PSD3: variants seen among roughly 807,000 people sequenced by gnomAD.
The protein encoded by PSD3 is PH and SEC7 domain-containing protein 3.
In PSD3, 49 loss-of-function variants were observed where a neutral mutation model predicts 105.5. The observed-to-expected ratio is 0.46, with a 90% confidence interval of 0.37 to 0.59. The LOEUF is 0.59. Ranked by LOEUF, PSD3 falls within the 20% of genes least tolerant of loss-of-function variation. PSD3 has a pLI of 0.00. For synonymous variants in PSD3, 557 were observed against 457.8 expected (o/e 1.22, Z -2.77); for missense variants, 1,561 against 1,263.8 (o/e 1.24, Z -3.57).
At position 18,750,557 on chromosome 8, in the gene PSD3, C is replaced by A. The variant is rs545059247; in HGVS notation, c.2172+14892G>T. Among the ~76,000 whole-genome samples the A allele has an allele frequency of 2.6e-5, 4 of 152,112 alleles. No homozygotes were observed. In the East Asian group the frequency reaches 7.8e-4, roughly 30 times the overall value. On this transcript the variant is annotated intron_variant, in intron 9 of 15. Coordinates refer to ENST00000327040, the MANE Select transcript of PSD3 (RefSeq NM_015310.4). ...TTATTGCAAAGAGCGAAAGAACAAACCTTCCACAGTGTGGAAGGGGACCCG... is the reference window on the plus strand; with the variant it reads ...TTATTGCAAAGAGCGAAAGAACAAAACTTCCACAGTGTGGAAGGGGACCCG...
At chr8:18,677,678 C>A (rs1474068269) in intron 9 of PSD3, among the ~76,000 whole-genome samples, 1 of 152,166 alleles carries the variant, frequency 6.6e-6, no homozygotes, top group Non-Finnish European at 1.5e-5. Flanking sequence ...AGTCAGGTCT[C>A]TTTTTAAGAT....
intron 8 of PSD3, among the ~76,000 whole-genome samples, chr8:18,785,720 A>C (rs1809078234): frequency 6.6e-6 from 1 of 152,130 alleles, no homozygotes; most frequent in South Asian, 2.1e-4. Context: ...CTAGGTTTTG[A>C]TTCAAAGCGA....
chr8:18,600,388 C>G lies in PSD3; in HGVS notation c.2457G>C (p.Lys819Asn). 6.2e-7 allele frequency: 1 copy of G among 1,608,444 alleles called. No individual in the cohort carries two copies. The highest frequency in any genetic ancestry group is 8.5e-7 in the Non-Finnish European group (1 of 1,178,614). Residue 819 changes from lysine to asparagine, a missense_variant, in exon 12 of 16, where the codon AAG becomes AAC. Physicochemically the swap from Lys to Asn is moderately conservative, Grantham distance 94. Transcript: ENST00000327040. The stretch of plus-strand genomic sequence containing the variant: ...CCTTTTGCAAGTAAAGAACTGTTCC[C>G]TTCAGTACAGCATAAAAGGTTTTCC... Reference protein sequence around the residue: ...RGWKTFYAVLKGTVLYLQKDE... With the variant: ...RGWKTFYAVLNGTVLYLQKDE...
chr8:19,014,935 C>A (rs1827128472), upstream of PSD3, among the ~76,000 whole-genome samples: 1 of 152,210 alleles, frequency 6.6e-6, no homozygotes. This position sits in a 1 kb window ranked among gnomAD's most constrained non-coding sequence, Gnocchi z 4.9. Context: ...TTCACTCCAA[C>A]TTCAGAAAAA....
intron 8 of PSD3, among the ~76,000 whole-genome samples, chr8:18,795,359 C>G (rs988127660): frequency 6.6e-6 from 1 of 152,198 alleles, no homozygotes; most frequent in African/African-American, 2.4e-5. Context: ...CACAACCAGG[C>G]TCTTATACCA....
At chr8:18,572,836 C>A (rs188409446) in intron 13 of PSD3, among the ~76,000 whole-genome samples, 164 bp from the exon 14 acceptor site, 62 of 152,194 alleles carry the variant, frequency 4.1e-4, no homozygotes, top group African/African-American at 1.4e-3. Flanking sequence ...CATTGTCATT[C>A]GACGATCACC....
At chr8:18,595,662 T>C (rs1233148001) in intron 12 of PSD3, among the ~76,000 whole-genome samples, 1 of 151,978 alleles carries the variant, frequency 6.6e-6, no homozygotes, top group Non-Finnish European at 1.5e-5. Flanking sequence ...AGTAAAAAAC[T>C]GTCAAGAGAG....
At chr8:18,648,611 C>G (rs1371091280) in intron 10 of PSD3, among the ~76,000 whole-genome samples, 1 of 152,210 alleles carries the variant, frequency 6.6e-6, no homozygotes, top group Non-Finnish European at 1.5e-5. Context: ...TGAAAATTTG[C>G]AGCAGGCTGA....
intron 9 of PSD3, among the ~76,000 whole-genome samples, chr8:18,709,184 G>C (rs576142229): frequency 6.6e-6 from 1 of 152,300 alleles, no homozygotes; most frequent in African/African-American, 2.4e-5. Flanking sequence ...AGACTGGGCA[G>C]TTTAGACCAG....
At chr8:18,897,860 G>A (rs1819253039) in intron 2 of PSD3, among the ~76,000 whole-genome samples, 1 of 152,076 alleles carries the variant, frequency 6.6e-6, no homozygotes, top group Non-Finnish European at 1.5e-5. Context: ...TTTGTATCCT[G>A]CAACTTTACT....
At position 18,632,593 on chromosome 8, in the gene PSD3, T is replaced by C; in HGVS notation, c.2410+20A>G. 5 of 1,581,860 alleles carry C rather than the reference T, an allele frequency of 3.2e-6. No individual in the cohort carries two copies. The highest frequency in any genetic ancestry group is 4.3e-6 in the Non-Finnish European group (5 of 1,166,926). ...AAGATAAAATAAATGAAATAGAAAA[T>C]GACAACGCATGATACTTACTCTTCT... On this transcript the variant is annotated intron_variant, in intron 11 of 15. Transcript: ENST00000327040.
intron 12 of PSD3, among the ~76,000 whole-genome samples, chr8:18,591,456 A>G (rs1803598416): frequency 6.6e-6 from 1 of 152,186 alleles, no homozygotes; most frequent in Non-Finnish European, 1.5e-5. Flanking sequence ...AAGGTGGTCA[A>G]CCTGAAGCTT....
Position 18,791,515 on chromosome 8 carries a change from T to C in PSD3, c.2082+7780A>G, listed in dbSNP as rs369273217. On this transcript the variant is annotated intron_variant, in intron 8 of 15. Coordinates refer to ENST00000327040, the MANE Select transcript of PSD3 (RefSeq NM_015310.4). ...ATTTAATACATGGTGCTAGAAAAAC[T>C]GGGTAGCCATACGCAGAAAACTGAA... 3.9e-5 allele frequency among the ~76,000 whole-genome samples: 6 copies of C among 152,134 alleles called. No homozygotes were observed. The East Asian group carries it at 1.2e-3, about 29-fold the overall frequency.
rs1188033210 is a variant in PSD3 at position 18,913,068 on chromosome 8, AACACAC to A, written c.130+22960_130+22965del. ...CTGGTTTAATCTAAACAACTTTATA[AACACAC>A]ACACACACACAAACACACACACACA... is the stretch of plus-strand genomic sequence containing the variant. On this transcript the variant is annotated intron_variant, in intron 2 of 15. Transcript: ENST00000327040. 7.1e-5 allele frequency among the ~76,000 whole-genome samples: 8 copies of A among 113,278 alleles called. No homozygotes were observed. In the East Asian group the frequency reaches 1.0e-3, roughly 15 times the overall value. 74.3% of individuals were successfully genotyped at this position (113,278 alleles called of 152,430 possible).
chr8:18,865,668 G>A (rs925709243), intron 4 of PSD3, among the ~76,000 whole-genome samples: 1 of 152,062 alleles, frequency 6.6e-6, no homozygotes, highest in African/African-American at 2.4e-5. Flanking sequence ...GAATTGTACA[G>A]TAGGAGTGCC....
intron 9 of PSD3, among the ~76,000 whole-genome samples, chr8:18,680,303 C>T (rs572759476): frequency 6.6e-6 from 1 of 152,082 alleles, no homozygotes; most frequent in Admixed American, 6.5e-5. Context: ...CAAGGGTACC[C>T]GAATACCCGG....
In PSD3 at chr8:18,687,531, T is replaced by A. The variant is rs564500059; in HGVS notation, c.2173-31846A>T. ...ATGAATACAATAAATACGAAATGAT[T>A]TCCCCCCTAACTATACAAAAAAGTA... is the stretch of plus-strand genomic sequence containing the variant. On this transcript the variant is annotated intron_variant, in intron 9 of 15. Coordinates refer to ENST00000327040, the MANE Select transcript of PSD3 (RefSeq NM_015310.4). Among the ~76,000 whole-genome samples, 4 of 152,132 alleles carry A rather than the reference T, an allele frequency of 2.6e-5. No individual in the cohort carries two copies. In the South Asian group the frequency reaches 6.2e-4, roughly 24 times the overall value.
intron 14 of PSD3, among the ~76,000 whole-genome samples, chr8:18,568,875 G>C (rs1291379964): frequency 6.7e-6 from 1 of 149,746 alleles, no homozygotes; most frequent in Non-Finnish European, 1.5e-5. Context: ...CCCCACAACA[G>C]TCCCCAGAGG....
intron 11 of PSD3, among the ~76,000 whole-genome samples, chr8:18,618,800 C>G (rs1190640415): frequency 6.6e-6 from 1 of 152,222 alleles, no homozygotes; most frequent in East Asian, 1.9e-4. Flanking sequence ...CCCACCTTAG[C>G]CCCCTGACTA....
Sources: allele counts gnomAD v4.1 joint callset (sites outside exome capture counted in the v4.1 genomes callset), GRCh38; gene constraint gnomAD v4.1.1; non-coding constraint Gnocchi (gnomAD v3.1); transcripts MANE v1.5; gene names NCBI Gene and HGNC (gene_info 2026-07-23, HGNC 2026-07-21).